Variants in ERC2 observed in about 807,000 individuals in gnomAD.
ERC2 encodes ELKS/RAB6-interacting/CAST family member 2.
ERC2 carries 42 observed loss-of-function variants against 114.8 expected under a neutral mutation model. That is an observed-to-expected ratio of 0.37 (90% CI 0.29 to 0.47). The LOEUF (loss-of-function observed/expected upper bound fraction) is 0.47, where lower values mean the gene tolerates loss of function less well. ERC2 is among the 20% of genes least tolerant of loss of function. ERC2 has a pLI of 0.99. For synonymous variants in ERC2, 454 were observed against 425.5 expected, an observed-to-expected ratio of 1.07 and a Z score of -0.82; for missense variants, 939 against 1,150.7, an observed-to-expected ratio of 0.82 and a Z score of 2.66.
chr3:55,552,757 G>T (rs1337232812), intron 17 of ERC2, among the ~76,000 whole-genome samples: 1 of 151,802 alleles, frequency 6.6e-6, no homozygotes, highest in African/African-American at 2.4e-5. Context: ...TTTAAATGGA[G>T]TTCTCCTCTA....
intron 14 of ERC2, among the ~76,000 whole-genome samples, chr3:55,833,306 G>C (rs1374658249): frequency 6.6e-6 from 1 of 150,560 alleles, no homozygotes; most frequent in Non-Finnish European, 1.5e-5. Context: ...ACACATAATT[G>C]TCAGATTCAA....
intron 17 of ERC2, among the ~76,000 whole-genome samples, chr3:55,599,375 T>C (rs1236508899): frequency 6.6e-6 from 1 of 152,246 alleles, no homozygotes; most frequent in African/African-American, 2.4e-5. Context: ...TACTAGGAAT[T>C]CAGTAATGTT....
chr3:56,113,228 C>T (rs17825278), intron 6 of ERC2, among the ~76,000 whole-genome samples: 20,418 of 151,966 alleles, frequency 0.13, 1,469 homozygotes, highest in East Asian at 0.16. Flanking sequence ...AGATGGGATA[C>T]ATTAAGGAAA....
chr3:56,197,499 G>A (rs2048176454), intron 3 of ERC2, among the ~76,000 whole-genome samples: 1 of 152,236 alleles, frequency 6.6e-6, no homozygotes, highest in African/African-American at 2.4e-5. Context: ...ACATGCAAAG[G>A]TATCCAGGAA....
intron 14 of ERC2, among the ~76,000 whole-genome samples, chr3:55,773,654 C>T (rs1489538580): frequency 6.6e-6 from 1 of 152,184 alleles, no homozygotes; most frequent in Admixed American, 6.5e-5. Flanking sequence ...TGGTGCTGCG[C>T]ACAAAGTAGG....
chr3:55,720,084 T>TCCCCTCCCCCTCCCCTCCCCC (rs1491553106), intron 15 of ERC2, among the ~76,000 whole-genome samples: 1 of 13,578 alleles, frequency 7.4e-5, no homozygotes, highest in South Asian at 9.3e-3. Context: ...CCCCTCCCCC[T>TCCCCTCCCCCTCCCCTCCCCC]TCCCCTCCCC....
chr3:55,780,832 GCAAATATCT>G (rs1199531822), intron 14 of ERC2, among the ~76,000 whole-genome samples: 1 of 152,146 alleles, frequency 6.6e-6, no homozygotes, highest in African/African-American at 2.4e-5. Context: ...CAGCTCTGTG[GCAAATATCT>G]CCTCCCACCA....
At chr3:55,689,080 C>A (rs893038560) in intron 16 of ERC2, among the ~76,000 whole-genome samples, 1 of 152,124 alleles carries the variant, frequency 6.6e-6, no homozygotes, top group African/African-American at 2.4e-5. Context: ...AAGGGAGAGG[C>A]AGGTACTGGA....
intron 4 of ERC2, among the ~76,000 whole-genome samples, chr3:56,158,907 G>C (rs114498490): frequency 1.3e-5 from 2 of 151,692 alleles, no homozygotes; most frequent in Admixed American, 1.3e-4. Context: ...GTTTGGATCC[G>C]TGTCCCCACC....
intron 16 of ERC2, among the ~76,000 whole-genome samples, chr3:55,685,145 T>C (rs1202422055): frequency 6.6e-6 from 1 of 152,232 alleles, no homozygotes; most frequent in Non-Finnish European, 1.5e-5. Flanking sequence ...TGTATTTCTA[T>C]GTATTTTATT....
intron 17 of ERC2, among the ~76,000 whole-genome samples, chr3:55,629,620 C>T (rs547525860): frequency 2.0e-5 from 3 of 152,328 alleles, no homozygotes; most frequent in Admixed American, 1.3e-4. Flanking sequence ...TCATGTATTT[C>T]CTTAAACAAC....
chr3:56,409,076 C>T (rs1185122742), intron 2 of ERC2, among the ~76,000 whole-genome samples: 7 of 152,206 alleles, frequency 4.6e-5, no homozygotes, highest in Non-Finnish European at 1.0e-4. Context: ...TTCCTGGAGG[C>T]CTGCGGCTCC....
At chr3:55,924,742 T>C (rs555391882) in intron 13 of ERC2, among the ~76,000 whole-genome samples, 1 of 152,268 alleles carries the variant, frequency 6.6e-6, no homozygotes, top group Non-Finnish European at 1.5e-5. Context: ...GGCTTTCTCC[T>C]AGTGGGAACC....
chr3:55,725,402 G>C (rs1364258560), intron 15 of ERC2, among the ~76,000 whole-genome samples: 2 of 152,154 alleles, frequency 1.3e-5, no homozygotes, highest in East Asian at 1.9e-4. Context: ...CAAAAGGTGG[G>C]CTACAGATTG....
chr3:56,154,517 T>C (rs1203113945), intron 4 of ERC2, among the ~76,000 whole-genome samples: 1 of 152,180 alleles, frequency 6.6e-6, no homozygotes, highest in African/African-American at 2.4e-5. Flanking sequence ...ATCCTGTCTC[T>C]GTGCATATTA....
At chr3:55,704,572 A>G (rs1576222660) in intron 15 of ERC2, among the ~76,000 whole-genome samples, 1 of 152,192 alleles carries the variant, frequency 6.6e-6, no homozygotes, top group East Asian at 1.9e-4. Context: ...CTTGTCTCCA[A>G]GTAAAAGATG....
At chr3:56,071,808 A>G (rs9823863) in intron 7 of ERC2, among the ~76,000 whole-genome samples, 119,911 of 152,202 alleles carry the variant, frequency 0.79, 48,320 homozygotes, top group East Asian at 0.91. Context: ...TTGCTTCACA[A>G]AGGAGCTTAG....
intron 2 of ERC2, among the ~76,000 whole-genome samples, chr3:56,423,882 C>T (rs531034033): frequency 6.6e-6 from 1 of 152,150 alleles, no homozygotes; most frequent in East Asian, 1.9e-4. Flanking sequence ...TATGTTCCTG[C>T]GAGGCCAAAC....
chr3:55,591,707 C>A (rs2057899717), intron 17 of ERC2, among the ~76,000 whole-genome samples: 1 of 152,058 alleles, frequency 6.6e-6, no homozygotes, highest in Non-Finnish European at 1.5e-5. Flanking sequence ...CGGGGGTCTC[C>A]CCAGCCAGGT....
Sources: allele counts gnomAD v4.1 joint callset (sites outside exome capture counted in the v4.1 genomes callset), GRCh38; gene constraint gnomAD v4.1.1; transcripts MANE v1.5; gene names NCBI Gene and HGNC (gene_info 2026-07-23, HGNC 2026-07-21).